PSKH2: variants seen among roughly 807,000 people sequenced by gnomAD.
PSKH2 encodes the protein protein serine kinase H2.
Under a neutral mutation model 22.5 loss-of-function variants are expected in PSKH2, and 16 were observed. That is an observed-to-expected ratio of 0.71 (90% confidence interval 0.48 to 1.08). The LOEUF (loss-of-function observed/expected upper bound fraction) is 1.08. Ranked by LOEUF, PSKH2 falls within the 50% of genes least tolerant of loss-of-function variation. The pLI is 0.00. For missense variants in PSKH2, 516 were observed against 492.8 expected, an observed-to-expected ratio of 1.05 and a Z score of -0.44; for synonymous variants, 188 against 184.8, an observed-to-expected ratio of 1.02 and a Z score of -0.14.
chr8:86,063,997 T>C lies in PSKH2; in HGVS notation c.820A>G (p.Ile274Val). ...GTATAATTATATTTGCCTTTCAGAA[T>C]CTTCCTGTAAAGCCTTGTCTGGCTT... ...DESQTRLYRK[I>V]LKGKYNYTGE... The change falls in exon 2 of 3, where the codon ATT becomes GTT. Residue 274 changes from isoleucine (I) to valine (V), a missense_variant. Coordinates refer to ENST00000276616, the MANE Select transcript of PSKH2 (RefSeq NM_033126.3). 1 of 1,613,484 alleles carries C rather than the reference T, an allele frequency of 6.2e-7. No individual in the cohort carries two copies.
At chr8:86,069,414 C>T in intron 1 of PSKH2, 24 bp downstream of exon 1, 1 of 1,549,810 alleles carries the variant, frequency 6.5e-7, no homozygotes, top group South Asian at 1.2e-5. Flanking sequence ...CAGTCCCAGG[C>T]CAGTTCCTCA....
chr8:86,061,449 C>T (rs924163097), intron 2 of PSKH2, among the ~76,000 whole-genome samples: 1 of 151,942 alleles, frequency 6.6e-6, no homozygotes, highest in South Asian at 2.1e-4. Context: ...TGTGTAGTTC[C>T]CCCCAACATT....
At chr8:86,063,786 G>A (rs1432274617) in intron 2 of PSKH2, among the ~76,000 whole-genome samples, 179 bp downstream of exon 2, 1 of 152,178 alleles carries the variant, frequency 6.6e-6, no homozygotes, top group African/African-American at 2.4e-5. Context: ...ACATTTGGGG[G>A]CCCCACAACT....
At chr8:86,055,554 C>T (rs917796946) in intron 2 of PSKH2, among the ~76,000 whole-genome samples, 2 of 152,176 alleles carry the variant, frequency 1.3e-5, no homozygotes, top group African/African-American at 4.8e-5. Context: ...TTAAGCACCA[C>T]ATATTTTGGT....
At chr8:86,055,970 A>ATG (rs1307449507) in intron 2 of PSKH2, among the ~76,000 whole-genome samples, 1 of 102,012 alleles carries the variant, frequency 9.8e-6, no homozygotes. Flanking sequence ...ATACATATAT[A>ATG]TGTGTGTGTC....
chr8:86,059,903 C>T (rs995471937), intron 2 of PSKH2, among the ~76,000 whole-genome samples: 3 of 152,104 alleles, frequency 2.0e-5, no homozygotes, highest in African/African-American at 4.8e-5. Flanking sequence ...TGAAAGCTGT[C>T]CTTTTGTGGA....
intron 2 of PSKH2, among the ~76,000 whole-genome samples, chr8:86,049,115 G>A (rs994854067): frequency 2.6e-5 from 4 of 152,196 alleles, no homozygotes; most frequent in Non-Finnish European, 5.9e-5. Context: ...ACAAGGCAAA[G>A]CAGCTGTCTT....
At position 86,064,260 on chromosome 8, in the gene PSKH2, G is replaced by T. The variant is rs775487862; in HGVS notation, c.557C>A (p.Pro186His). 2 of 1,614,056 alleles carry T rather than the reference G, an allele frequency of 1.2e-6. No homozygotes were observed. The highest frequency in any genetic ancestry group is 1.7e-6 in the Non-Finnish European group (2 of 1,180,008). ...ALQITHRNLKPENLLYYHPGE... is the reference protein window; with the variant it reads ...ALQITHRNLKHENLLYYHPGE... ...TGGATGATAGTATAAGAGGTTTTCA[G>T]GCTTTAGATTCCTATGAGTTATCTG... The change falls in exon 2 of 3, where the codon CCT (proline) becomes CAT (histidine). Residue 186 changes from proline (P) to histidine (H), a missense_variant. By Grantham distance (77) the Pro-to-His change is moderately conservative. Coordinates refer to ENST00000276616, the MANE Select transcript of PSKH2 (RefSeq NM_033126.3).
chr8:86,062,267 A>T (rs1420581561), intron 2 of PSKH2, among the ~76,000 whole-genome samples: 4 of 152,238 alleles, frequency 2.6e-5, no homozygotes, highest in Non-Finnish European at 5.9e-5. Context: ...TTATGTGTTC[A>T]AACATTCTCT....
intron 2 of PSKH2, among the ~76,000 whole-genome samples, chr8:86,059,289 A>C (rs2130158425): frequency 6.6e-6 from 1 of 152,320 alleles, no homozygotes; most frequent in Non-Finnish European, 1.5e-5. Flanking sequence ...TAAGTGATTT[A>C]TACAATGTGT....
At chr8:86,049,544 G>C (rs1049498079) in intron 2 of PSKH2, among the ~76,000 whole-genome samples, 2 of 150,544 alleles carry the variant, frequency 1.3e-5, no homozygotes, top group South Asian at 4.2e-4. Context: ...GGGTGACAGA[G>C]TGAGACCCTG....
At chr8:86,069,190 G>A (rs896602330) in intron 1 of PSKH2, among the ~76,000 whole-genome samples, 1 of 152,148 alleles carries the variant, frequency 6.6e-6, no homozygotes, top group Non-Finnish European at 1.5e-5. Context: ...GAGACTGGGA[G>A]ACAGTGGCCC....
At chr8:86,068,361 A>G (rs1226995091) in intron 1 of PSKH2, among the ~76,000 whole-genome samples, 1 of 152,180 alleles carries the variant, frequency 6.6e-6, no homozygotes, top group African/African-American at 2.4e-5. Context: ...TCCGTGATTT[A>G]CTTGGTCAAA....
rs1817826006 is a variant in PSKH2 at position 86,064,382 on chromosome 8, G to A, written c.435C>T (p.Leu145=). 1.1e-5 allele frequency: 17 copies of A among 1,614,014 alleles called. No individual in the cohort carries two copies. Among genetic ancestry groups the A allele is most frequent in the Non-Finnish European group, 1.4e-5 (16 of 1,180,044 alleles). Residue 145 remains leucine, a synonymous_variant, in exon 2 of 3, where the codon CTC becomes CTT. Transcript: ENST00000276616. ...MVMELATGGE[L]FDRLIAQGSF... ...ATCCCTGAGCAATGAGTCGATCAAA[G>A]AGCTCCCCTCCGGTAGCCAGCTCCA... is the stretch of plus-strand genomic sequence containing the variant.
At position 86,064,593 on chromosome 8, in the gene PSKH2, C is replaced by A; in HGVS notation, c.224G>T (p.Ser75Ile). ...IKALIGTGSF[S>I]RVVRVEQKTT... The stretch of plus-strand genomic sequence containing the variant: ...CTTCTGCTCTACCCTGACAACCCTG[C>A]TGAAACTGCCTGTCCCAATAAGAGC... Residue 75 changes from serine (S) to isoleucine (I), a missense_variant, in exon 2 of 3, where the codon AGC becomes ATC. Transcript: ENST00000276616. 2 of 1,613,644 alleles carry A rather than the reference C, an allele frequency of 1.2e-6. No homozygotes were observed. The highest frequency in any genetic ancestry group is 1.7e-5 in the Admixed American group (1 of 59,946).
At chr8:86,048,912 T>C in intron 2 of PSKH2, 145 bp from the exon 3 acceptor site, 3 of 634,508 alleles carry the variant, frequency 4.7e-6, no homozygotes, top group South Asian at 5.9e-5. Flanking sequence ...TACTGTGTCA[T>C]TACATATATA....
intron 2 of PSKH2, among the ~76,000 whole-genome samples, chr8:86,056,571 CA>C (rs1226746339): frequency 6.6e-6 from 1 of 151,952 alleles, no homozygotes; most frequent in Non-Finnish European, 1.5e-5. Flanking sequence ...GTTTGTACTG[CA>C]GAAAAAAAGC....
At chr8:86,069,708 G>A (rs982123923), upstream of PSKH2, 5 of 1,378,032 alleles carry the variant, frequency 3.6e-6, no homozygotes, top group African/African-American at 1.5e-5. Flanking sequence ...AAGAGCAGCT[G>A]CGAGGGGCGG....
chr8:86,064,940 T>C (rs1817837662), intron 1 of PSKH2, among the ~76,000 whole-genome samples: 1 of 152,186 alleles, frequency 6.6e-6, no homozygotes, highest in Non-Finnish European at 1.5e-5. Flanking sequence ...CTGGGTAATA[T>C]AATAATATCC....
Sources: allele counts gnomAD v4.1 joint callset (sites outside exome capture counted in the v4.1 genomes callset), GRCh38; gene constraint gnomAD v4.1.1; transcripts MANE v1.5; gene names NCBI Gene and HGNC (gene_info 2026-07-23, HGNC 2026-07-21).